ANKRD44: variants seen among roughly 807,000 people sequenced by gnomAD.
The protein encoded by ANKRD44 is ankyrin repeat domain 44.
ANKRD44 carries 35 observed loss-of-function variants against 116.0 expected under a neutral mutation model. That is an observed-to-expected ratio of 0.30 (90% CI 0.23 to 0.40). The LOEUF is 0.40. ANKRD44 is among the 10% of genes least tolerant of loss of function. The pLI, the probability that ANKRD44 is intolerant of heterozygous loss-of-function variation, is 1.00. For missense variants in ANKRD44, 1,014 were observed against 1,242.6 expected (o/e 0.82, Z 2.77); for synonymous variants, 435 against 461.8 (o/e 0.94, Z 0.74).
At chr2:196,993,521 T>C in intron 27 of ANKRD44, 62 bp downstream of exon 27, 2 of 1,344,260 alleles carry the variant, frequency 1.5e-6, no homozygotes, top group South Asian at 1.3e-5. Flanking sequence ...CTTTCTCATT[T>C]CCTCTGGCTT....
intron 21 of ANKRD44, among the ~76,000 whole-genome samples, chr2:197,004,458 T>C (rs2076168480): frequency 6.6e-6 from 1 of 152,006 alleles, no homozygotes; most frequent in South Asian, 2.1e-4. Context: ...AAAAGATAAA[T>C]AGCTCAATAG....
In ANKRD44 at chr2:197,010,138, C is replaced by T. The variant is rs546526477; in HGVS notation, c.1925-1107G>A. ...AGGGAAGGGAGTAGGGACCTGGGGCCGCCTCTTCTCCCAGGTCGTTTTACA... is the reference window on the plus strand; with the variant it reads ...AGGGAAGGGAGTAGGGACCTGGGGCTGCCTCTTCTCCCAGGTCGTTTTACA... On this transcript the variant is annotated intron_variant, in intron 18 of 27. Coordinates refer to ENST00000282272, the MANE Select transcript of ANKRD44 (RefSeq NM_001195144.2). 7.2e-5 allele frequency among the ~76,000 whole-genome samples: 11 copies of T among 152,056 alleles called. No individual in the cohort carries two copies. In the East Asian group the frequency reaches 7.8e-4, roughly 11 times the overall value.
In ANKRD44 at chr2:197,069,646, T is replaced by C. The variant is rs894864808; in HGVS notation, c.1650+9057A>G. ...TATTGACACAGTAGTATAAAATATA[T>C]ATTATATATTCAAGCTATATAATAA... On this transcript the variant is annotated intron_variant, in intron 16 of 27. Transcript: ENST00000282272. 2.6e-5 allele frequency among the ~76,000 whole-genome samples: 4 copies of C among 152,166 alleles called. No homozygotes were observed. In the South Asian group the frequency reaches 8.3e-4, roughly 32 times the overall value.
At position 197,000,491 on chromosome 2, in the gene ANKRD44, T is replaced by C. The variant is rs1372322761; in HGVS notation, c.2447A>G (p.His816Arg). 3 of 1,613,742 alleles carry C rather than the reference T, an allele frequency of 1.9e-6. No individual in the cohort carries two copies. The highest frequency in any genetic ancestry group is 1.7e-5 in the Admixed American group (1 of 59,982). ...AAGCAGCAATGATGCACAATTCCCA[T>C]GATCATTGATTCTAAAATGAAAATG... ...TPLHCAIIND[H>R]GNCASLLLGA... is the part of the protein sequence containing the mutation. The change falls in exon 23 of 28, where the codon CAT (histidine) becomes CGT (arginine). Residue 816 changes from histidine to arginine, a missense_variant. His to Arg is a conservative substitution (Grantham distance 29). Coordinates refer to ENST00000282272, the MANE Select transcript of ANKRD44 (RefSeq NM_001195144.2).
At chr2:197,095,969 A>G (rs1237246551) in intron 10 of ANKRD44, among the ~76,000 whole-genome samples, 1 of 152,230 alleles carries the variant, frequency 6.6e-6, no homozygotes, top group African/African-American at 2.4e-5. Context: ...ATGTTTATAC[A>G]TATTCATGTA....
intron 1 of ANKRD44, among the ~76,000 whole-genome samples, chr2:197,200,339 T>C (rs1434239961): frequency 3.9e-5 from 6 of 152,102 alleles, no homozygotes; most frequent in African/African-American, 1.4e-4. Context: ...GGCCTGAACA[T>C]GGTTTAGATG....
Position 197,016,738 on chromosome 2 carries a change from A to T in ANKRD44, c.1723-3026T>A, listed in dbSNP as rs138592279. On this transcript the variant is annotated intron_variant, in intron 17 of 27. Transcript: ENST00000282272. ...TTCAAATGAAAAACAAAAACTCAGA[A>T]TTCACAAAAAAAAGAAAAGAAAAGC... is the stretch of plus-strand genomic sequence containing the variant. 3.8e-4 allele frequency among the ~76,000 whole-genome samples: 58 copies of T among 152,206 alleles called. 2 individuals are homozygous for T. Among genetic ancestry groups the T allele is most frequent in the East Asian group, 3.5e-3 (18 of 5,194 alleles).
At chr2:197,260,791 G>A (rs961654416) in intron 1 of ANKRD44, among the ~76,000 whole-genome samples, 2 of 145,230 alleles carry the variant, frequency 1.4e-5, no homozygotes, top group Non-Finnish European at 3.0e-5. Context: ...GGTGTGAGAT[G>A]GTATCTCATT....
At chr2:197,070,804 T>G (rs1349987373) in intron 16 of ANKRD44, among the ~76,000 whole-genome samples, 1 of 152,198 alleles carries the variant, frequency 6.6e-6, no homozygotes, top group African/African-American at 2.4e-5. Context: ...GAAAAGACTG[T>G]GTAGAATTAT....
chr2:197,306,933 T>C (rs974122474), intron 1 of ANKRD44, among the ~76,000 whole-genome samples: 1 of 152,166 alleles, frequency 6.6e-6, no homozygotes, highest in Non-Finnish European at 1.5e-5. Context: ...TGTTCTGCCA[T>C]CATTAACAAA....
rs540369044 is a variant in ANKRD44, at chr2:197,117,217, C to T, written c.906+4115G>A. On this transcript the variant is annotated intron_variant, in intron 8 of 27. Transcript: ENST00000282272. Reference sequence around the variant, plus strand: ...CTTTGCCGGATTTCTTTCTTCCTTCCTACCTTCCTTCCTTCCTTTATTATT... The same window carrying T: ...CTTTGCCGGATTTCTTTCTTCCTTCTTACCTTCCTTCCTTCCTTTATTATT... Among the ~76,000 whole-genome samples the T allele has an allele frequency of 2.1e-4, 32 of 151,658 alleles. 1 individual carries two copies. The South Asian group carries it at 6.7e-3, about 32-fold the overall frequency.
At chr2:197,009,057 T>G (rs373226261) in intron 18 of ANKRD44, 26 bp from the exon 19 acceptor site, 3 of 1,581,358 alleles carry the variant, frequency 1.9e-6, no homozygotes, top group Non-Finnish European at 2.6e-6. Context: ...GTGGACAGTC[T>G]TTTAACAGAA....
At chr2:197,115,399 A>T (rs1011981009) in intron 8 of ANKRD44, among the ~76,000 whole-genome samples, 7 of 152,238 alleles carry the variant, frequency 4.6e-5, no homozygotes, top group Non-Finnish European at 7.3e-5. Flanking sequence ...TTATAAGTAA[A>T]CCATCAATTG....
rs553588434 is a variant in ANKRD44, at chr2:197,289,396, C to T, written c.27+21182G>A. Among the ~76,000 whole-genome samples the T allele has an allele frequency of 2.0e-5, 3 of 152,172 alleles. No homozygotes were observed. The East Asian group carries it at 5.8e-4, about 29-fold the overall frequency. On this transcript the variant is annotated intron_variant, in intron 1 of 27. Coordinates refer to ENST00000282272, the MANE Select transcript of ANKRD44 (RefSeq NM_001195144.2). The stretch of plus-strand genomic sequence containing the variant: ...AAACATGCACTTATCAGGTATTATA[C>T]AAGAGAAATTTCTTTATGTTTAAAG...
At chr2:197,126,356 G>T (rs1162397755) in intron 4 of ANKRD44, among the ~76,000 whole-genome samples, 1 of 152,188 alleles carries the variant, frequency 6.6e-6, no homozygotes, top group Non-Finnish European at 1.5e-5. Flanking sequence ...GTGCAAGTGT[G>T]CATACCAGGG....
At chr2:197,103,746 G>GAAGAAAACAGAAGTCATCTATAAATTCA (rs1433896907) in intron 9 of ANKRD44, among the ~76,000 whole-genome samples, 1 of 152,050 alleles carries the variant, frequency 6.6e-6, no homozygotes, top group Non-Finnish European at 1.5e-5. Flanking sequence ...GAAATACAAA[G>GAAGAAAACAGAAGTCATCTATAAATTCA]AAGAAAACAG....
intron 1 of ANKRD44, among the ~76,000 whole-genome samples, chr2:197,281,594 C>T (rs982240027): frequency 6.6e-6 from 1 of 152,106 alleles, no homozygotes; most frequent in African/African-American, 2.4e-5. Flanking sequence ...AGTAAAGTAC[C>T]TCTTTTGATG....
At position 197,050,428 on chromosome 2, in the gene ANKRD44, C is replaced by CT. The variant is rs796163431; in HGVS notation, c.1651-25162dup. Among the ~76,000 whole-genome samples the CT allele has an allele frequency of 4.5e-3, 651 of 144,412 alleles. 4 individuals carry two copies. The highest frequency in any genetic ancestry group is 0.012 in the African/African-American group (480 of 39,636). The allele number at this position is 144,412 out of a possible 152,430, so 94.7% of individuals were successfully genotyped here. A position where few individuals can be genotyped will look rare whatever the true frequency, so the allele number is the denominator to read the frequency against. On this transcript the variant is annotated intron_variant, in intron 16 of 27. Coordinates refer to ENST00000282272, the MANE Select transcript of ANKRD44 (RefSeq NM_001195144.2). ...ACAATATCATTGTTTTTTGTTTTTG[C>CT]TTTTTTTTTTTTGAGGCAGAGTCTC...
At chr2:197,163,009 G>A (rs2080007164) in intron 2 of ANKRD44, among the ~76,000 whole-genome samples, 1 of 152,182 alleles carries the variant, frequency 6.6e-6, no homozygotes, top group South Asian at 2.1e-4. Context: ...GGTCTGGATG[G>A]AATCAATGGC....
Sources: gnomAD v4.1 joint callset for allele counts (sites outside exome capture counted in the v4.1 genomes callset) on GRCh38, gnomAD v4.1.1 for gene constraint, MANE v1.5 for transcripts, NCBI Gene and HGNC (gene_info 2026-07-23, HGNC 2026-07-21) for gene names.